The following LINGO2 variants were observed in gnomAD, a reference collection of about 807,000 sequenced individuals.
The protein encoded by LINGO2 is leucine-rich repeat and immunoglobulin-like domain-containing nogo receptor-interacting protein 2.
Under a neutral mutation model 30.6 loss-of-function variants are expected in LINGO2, and 14 were observed. The ratio of observed to expected loss-of-function variants is 0.46; its 90% CI spans 0.30 to 0.72. The LOEUF is 0.72. Ranked by LOEUF, LINGO2 falls within the 30% of genes least tolerant of loss-of-function variation. The probability of loss-of-function intolerance (pLI) is 0.07; values close to 1 mark genes in which losing one functional copy is unlikely to be tolerated. For missense variants in LINGO2, 729 were observed against 751.7 expected, an observed-to-expected ratio of 0.97 and a Z score of 0.35; for synonymous variants, 317 against 288.5, an observed-to-expected ratio of 1.10 and a Z score of -1.00.
At chr9:28,202,208 T>A (rs1261305331) in intron 4 of LINGO2, among the ~76,000 whole-genome samples, 1 of 152,162 alleles carries the variant, frequency 6.6e-6, no homozygotes, top group African/African-American at 2.4e-5. Flanking sequence ...AATCAGCCTA[T>A]TTCTAAGGAA....
the LINGO2 span, among the ~76,000 whole-genome samples, chr9:29,052,669 G>C: frequency 2.6e-5 from 4 of 152,104 alleles, no homozygotes; most frequent in Non-Finnish European, 5.9e-5. Flanking sequence ...TCCACTATAG[G>C]AAAAGCAGGC....
At chr9:28,432,004 T>G (rs1823698404) in intron 2 of LINGO2, among the ~76,000 whole-genome samples, 1 of 152,152 alleles carries the variant, frequency 6.6e-6, no homozygotes, top group African/African-American at 2.4e-5. Flanking sequence ...ATTGCCCTAA[T>G]AATTCATTGT....
chr9:28,177,219 G>C (rs1260781894), intron 4 of LINGO2, among the ~76,000 whole-genome samples: 1 of 152,130 alleles, frequency 6.6e-6, no homozygotes, highest in African/African-American at 2.4e-5. Context: ...TATTGTAAAG[G>C]ATGGTTTTTT....
chr9:28,435,090 T>A (rs976881433), intron 2 of LINGO2, among the ~76,000 whole-genome samples: 1 of 152,130 alleles, frequency 6.6e-6, no homozygotes, highest in Non-Finnish European at 1.5e-5. Context: ...CACTGGTAAT[T>A]TTTTATAATA....
chr9:28,987,298 T>C, the LINGO2 span, among the ~76,000 whole-genome samples: 3 of 151,968 alleles, frequency 2.0e-5, no homozygotes, highest in Admixed American at 6.6e-5. Flanking sequence ...TAAGAATTTA[T>C]CTATTTCTTC....
At chr9:27,974,027 T>C (rs1820478014) in intron 5 of LINGO2, among the ~76,000 whole-genome samples, 1 of 152,180 alleles carries the variant, frequency 6.6e-6, no homozygotes, top group Non-Finnish European at 1.5e-5. Flanking sequence ...ATGGTGGTGT[T>C]ATATGGAGAG....
chr9:28,482,450 T>G (rs577556435), intron 1 of LINGO2, among the ~76,000 whole-genome samples: 15 of 152,226 alleles, frequency 9.9e-5, no homozygotes, highest in African/African-American at 3.1e-4. Context: ...TCATGTCCTT[T>G]GCCCACTTTT....
At chr9:29,023,889 A>G in the LINGO2 span, among the ~76,000 whole-genome samples, 1 of 152,122 alleles carries the variant, frequency 6.6e-6, no homozygotes, top group Admixed American at 6.6e-5. Flanking sequence ...TCCTTAGTAA[A>G]ATATAATATG....
intron 1 of LINGO2, among the ~76,000 whole-genome samples, chr9:28,625,992 A>C (rs985408411): frequency 9.2e-5 from 13 of 140,726 alleles, no homozygotes; most frequent in African/African-American, 3.1e-4. Flanking sequence ...GACTTTACTA[A>C]AACAAAACAA....
intron 1 of LINGO2, among the ~76,000 whole-genome samples, chr9:28,509,581 T>C (rs1318068034): frequency 6.6e-6 from 1 of 152,204 alleles, no homozygotes; most frequent in South Asian, 2.1e-4. Context: ...ACTCCCAATG[T>C]GACTATATTG....
the LINGO2 span, among the ~76,000 whole-genome samples, chr9:29,156,895 T>C: frequency 2.0e-5 from 3 of 152,010 alleles, no homozygotes; most frequent in Non-Finnish European, 4.4e-5. Context: ...AAGCCCAAAA[T>C]TTCAAATTTT....
chr9:29,006,836 G>A, the LINGO2 span, among the ~76,000 whole-genome samples: 2 of 152,042 alleles, frequency 1.3e-5, no homozygotes, highest in Non-Finnish European at 2.9e-5. Context: ...GTAAAACGGA[G>A]GCTGTAGAAC....
chr9:28,026,021 A>T (rs551024786), intron 4 of LINGO2, among the ~76,000 whole-genome samples: 17 of 152,206 alleles, frequency 1.1e-4, no homozygotes, highest in Non-Finnish European at 2.1e-4. Context: ...CTTCATCCTC[A>T]TCCAGTCTCC....
chr9:28,684,902 G>C, the LINGO2 span, among the ~76,000 whole-genome samples: 6 of 152,080 alleles, frequency 3.9e-5, no homozygotes, highest in Non-Finnish European at 8.8e-5. Context: ...TGTTGCGTGG[G>C]TTTGATGTAC....
chr9:29,030,003 G>C, the LINGO2 span, among the ~76,000 whole-genome samples: 1 of 151,840 alleles, frequency 6.6e-6, no homozygotes, highest in African/African-American at 2.4e-5. Flanking sequence ...ACTTATAAAA[G>C]TTAAAATTTG....
intron 2 of LINGO2, among the ~76,000 whole-genome samples, chr9:28,464,472 T>C (rs1825217951): frequency 6.6e-6 from 1 of 152,204 alleles, no homozygotes; most frequent in Non-Finnish European, 1.5e-5. Context: ...CCTCAATGAT[T>C]TTTGTTTCTG....
chr9:28,473,922 C>T (rs1307067502), intron 2 of LINGO2, among the ~76,000 whole-genome samples: 1 of 152,106 alleles, frequency 6.6e-6, no homozygotes, highest in Admixed American at 6.6e-5. Flanking sequence ...TTTCTGACAT[C>T]TTAAACTATG....
At chr9:28,825,950 C>T in the LINGO2 span, among the ~76,000 whole-genome samples, 1 of 152,114 alleles carries the variant, frequency 6.6e-6, no homozygotes, top group Non-Finnish European at 1.5e-5. Context: ...TATGATAATA[C>T]CATTTTCTAT....
chr9:28,085,360 A>G (rs906249513), intron 4 of LINGO2, among the ~76,000 whole-genome samples: 12 of 152,104 alleles, frequency 7.9e-5, no homozygotes, highest in Admixed American at 7.9e-4. Context: ...CCTTTGTGAT[A>G]TAGAAGTATG....
Sources: allele counts gnomAD v4.1 joint callset (sites outside exome capture counted in the v4.1 genomes callset), GRCh38; gene constraint gnomAD v4.1.1; transcripts MANE v1.5; gene names NCBI Gene and HGNC (gene_info 2026-07-23, HGNC 2026-07-21).